RBFOX1: variants seen among roughly 807,000 people sequenced by gnomAD.
The protein encoded by RBFOX1 is RNA binding protein fox-1 homolog 1.
RBFOX1 carries 8 observed loss-of-function variants against 57.7 expected under a neutral mutation model. That is an observed-to-expected ratio of 0.14 (90% CI 0.08 to 0.25). The LOEUF is 0.25. Ranked by LOEUF, RBFOX1 falls within the 10% of genes least tolerant of loss-of-function variation. The pLI is 1.00. For missense variants in RBFOX1, 611 were observed against 548.5 expected, an observed-to-expected ratio of 1.11 and a Z score of -1.14; for synonymous variants, 326 against 222.4, an observed-to-expected ratio of 1.47 and a Z score of -4.15.
At chr16:7,653,789 T>TCC in intron 11 of RBFOX1, 26 bp from the exon 12 acceptor site, 1 of 1,605,656 alleles carries the variant, frequency 6.2e-7, no homozygotes, top group South Asian at 1.1e-5. Flanking sequence ...CTGTGCTCTC[T>TCC]CTCTCTCTCT....
At chr16:7,083,110 G>A (rs549681156) in intron 4 of RBFOX1, among the ~76,000 whole-genome samples, 2 of 152,238 alleles carry the variant, frequency 1.3e-5, no homozygotes, top group East Asian at 3.9e-4. Flanking sequence ...CAAGGTTTGA[G>A]GAATTGATTG....
At chr16:7,035,512 T>C (rs1320109262) in intron 3 of RBFOX1, among the ~76,000 whole-genome samples, 1 of 152,236 alleles carries the variant, frequency 6.6e-6, no homozygotes, top group Admixed American at 6.5e-5. Flanking sequence ...CAGAATTTAA[T>C]TGCAATATTT....
chr16:7,055,437 C>G, intron 4 of RBFOX1, among the ~76,000 whole-genome samples: 1 of 152,160 alleles, frequency 6.6e-6, no homozygotes. Flanking sequence ...CAGTGGTTTG[C>G]AATCCCTGTG....
At chr16:7,198,957 A>T (rs2087536068) in intron 4 of RBFOX1, among the ~76,000 whole-genome samples, 1 of 152,178 alleles carries the variant, frequency 6.6e-6, no homozygotes, top group Non-Finnish European at 1.5e-5. Flanking sequence ...AGAACCCCTG[A>T]AATCAACCCT....
intron 4 of RBFOX1, among the ~76,000 whole-genome samples, chr16:7,273,252 T>TCCTC (rs1329878059): frequency 0.045 from 4,308 of 96,522 alleles, 592 homozygotes; most frequent in Non-Finnish European, 0.05. Context: ...CTTCCTTCCT[T>TCCTC]CCTTCCTTCC....
At chr16:6,904,011 C>G (rs1432493465) in intron 3 of RBFOX1, among the ~76,000 whole-genome samples, 1 of 152,132 alleles carries the variant, frequency 6.6e-6, no homozygotes, top group Non-Finnish European at 1.5e-5. Context: ...TCACAAAACA[C>G]AGCCTACAAA....
At chr16:5,296,931 C>T (rs2063684327) in intron 1 of RBFOX1, among the ~76,000 whole-genome samples, 1 of 152,138 alleles carries the variant, frequency 6.6e-6, no homozygotes, top group South Asian at 2.1e-4. Context: ...CTGCCTCGAC[C>T]TCCCAAAGTG....
At chr16:7,170,571 A>G (rs373687163) in intron 4 of RBFOX1, among the ~76,000 whole-genome samples, 1 of 152,200 alleles carries the variant, frequency 6.6e-6, no homozygotes, top group African/African-American at 2.4e-5. Flanking sequence ...AGCACTTTCC[A>G]TGTGAGAAAC....
At chr16:6,641,754 AAAAAAAAAAAAAAAAAAAAAAAAAT>A (rs2098491264) in intron 2 of RBFOX1, among the ~76,000 whole-genome samples, 1 of 21,768 alleles carries the variant, frequency 4.6e-5, no homozygotes, top group Admixed American at 6.0e-4. Flanking sequence ...AAAAAAAAAA[AAAAAAAAAAAAAAAAAAAAAAAAAT>A]AGGTTCTGCC....
intron 2 of RBFOX1, among the ~76,000 whole-genome samples, chr16:6,352,008 A>T (rs1272118693): frequency 6.6e-6 from 1 of 152,164 alleles, no homozygotes; most frequent in Non-Finnish European, 1.5e-5. Context: ...ATTTACCCAA[A>T]CCTACCCTTT....
intron 3 of RBFOX1, among the ~76,000 whole-genome samples, chr16:5,758,403 GA>G (rs1243398827): frequency 2.6e-5 from 4 of 152,186 alleles, no homozygotes; most frequent in Non-Finnish European, 4.4e-5. Context: ...GGTTGGGCAT[GA>G]AAAGCATCTC....
intron 2 of RBFOX1, among the ~76,000 whole-genome samples, chr16:5,595,190 A>G (rs1028312399): frequency 3.9e-5 from 6 of 152,158 alleles, no homozygotes; most frequent in Non-Finnish European, 8.8e-5. Context: ...ATTTCCAAAC[A>G]GGAAAAGACC....
At chr16:5,684,921 G>A (rs529278807) in intron 3 of RBFOX1, among the ~76,000 whole-genome samples, 21 of 152,240 alleles carry the variant, frequency 1.4e-4, no homozygotes, top group African/African-American at 2.6e-4. Flanking sequence ...GCTCTCCAGC[G>A]TATGAGACAC....
intron 3 of RBFOX1, among the ~76,000 whole-genome samples, chr16:6,855,817 T>TTC (rs2057758560): frequency 8.9e-6 from 1 of 112,954 alleles, no homozygotes; most frequent in South Asian, 3.0e-4. Context: ...TTCCCTTCCT[T>TTC]CCTCCTTCCC....
rs969899367 is a variant in RBFOX1 at position 5,326,463 on chromosome 16, T to C, written c.219+86358T>C. Among the ~76,000 whole-genome samples the C allele has an allele frequency of 2.6e-5, 4 of 152,354 alleles. No homozygotes were observed. The South Asian group carries it at 6.2e-4, about 24-fold the overall frequency. On this transcript the variant is annotated intron_variant, in intron 1 of 2. Transcript: ENST00000585867. Reference sequence around the variant, plus strand: ...TCAGGAGAACAGTGTTTCTGTTGCATTCATTTGCTCAATAATAACCTCTTC... The same window carrying C: ...TCAGGAGAACAGTGTTTCTGTTGCACTCATTTGCTCAATAATAACCTCTTC...
At chr16:6,088,551 C>A (rs933538913) in intron 1 of RBFOX1, among the ~76,000 whole-genome samples, 2 of 90,802 alleles carry the variant, frequency 2.2e-5, no homozygotes, top group African/African-American at 9.6e-5. Context: ...CTTCCTTCTG[C>A]ATTTATTAAA....
At chr16:6,961,365 CTG>C (rs1298260881) in intron 3 of RBFOX1, among the ~76,000 whole-genome samples, 2 of 152,126 alleles carry the variant, frequency 1.3e-5, no homozygotes, top group African/African-American at 4.8e-5. Flanking sequence ...CGTGTTCAAA[CTG>C]TAGTAATTTC....
At chr16:7,333,024 T>A in intron 4 of RBFOX1, 1 of 1,613,816 alleles carries the variant, frequency 6.2e-7, no homozygotes, top group Non-Finnish European at 8.5e-7. Context: ...CAAGGAGTTC[T>A]CCTGCATCCT....
chr16:6,966,270 C>A (rs1386213944), intron 3 of RBFOX1, among the ~76,000 whole-genome samples: 2 of 152,212 alleles, frequency 1.3e-5, no homozygotes, highest in Non-Finnish European at 1.5e-5. Flanking sequence ...ATGAGCCTCC[C>A]GTTGACTGGG....
Sources: gnomAD v4.1 joint callset for allele counts (sites outside exome capture counted in the v4.1 genomes callset) on GRCh38, gnomAD v4.1.1 for gene constraint, MANE v1.5 for transcripts, NCBI Gene and HGNC (gene_info 2026-07-23, HGNC 2026-07-21) for gene names.